The following SCOC variants were observed in gnomAD, a reference collection of about 807,000 sequenced individuals.
The protein encoded by SCOC is short coiled-coil protein, also known as short coiled coil protein.
Under a neutral mutation model 9.9 loss-of-function variants are expected in SCOC, and 7 were observed. The ratio of observed to expected loss-of-function variants is 0.71; its 90% confidence interval spans 0.40 to 1.33. The LOEUF (loss-of-function observed/expected upper bound fraction) is 1.33. SCOC is among the 40% of genes most tolerant of loss of function. The pLI, the probability that SCOC is intolerant of heterozygous loss-of-function variation, is 0.01. For synonymous variants in SCOC, 19 were observed against 28.2 expected, an observed-to-expected ratio of 0.67 and a Z score of 1.03; for missense variants, 66 against 89.7, an observed-to-expected ratio of 0.74 and a Z score of 1.07.
At chr4:140,374,043 T>G in intron 1 of SCOC, 1 of 531,852 alleles carries the variant, frequency 1.9e-6, no homozygotes, top group South Asian at 1.5e-5. Flanking sequence ...AGCTCTCGGC[T>G]CTGGAATTGG....
At chr4:140,366,195 T>C (rs1446049593) in intron 2 of SCOC, 23 of 683,064 alleles carry the variant, frequency 3.4e-5, no homozygotes, top group Non-Finnish European at 4.8e-5. Context: ...TTTTTTTTTT[T>C]TTTTCCCAAA....
intron 1 of SCOC, among the ~76,000 whole-genome samples, chr4:140,307,759 C>T (rs901671720): frequency 3.3e-5 from 5 of 152,156 alleles, no homozygotes; most frequent in Non-Finnish European, 7.4e-5. Flanking sequence ...AATCCTATCT[C>T]CAAGGAGATG....
At chr4:140,277,619 T>G (rs985069980) in intron 1 of SCOC, among the ~76,000 whole-genome samples, 15 of 152,182 alleles carry the variant, frequency 9.9e-5, no homozygotes, top group Non-Finnish European at 1.3e-4. Flanking sequence ...TTGAAGAATA[T>G]GTACAAAGAG....
intron 1 of SCOC, among the ~76,000 whole-genome samples, chr4:140,274,379 T>C (rs1730929608): frequency 6.6e-6 from 1 of 152,216 alleles, no homozygotes; most frequent in African/African-American, 2.4e-5. Flanking sequence ...GTTTTTTATT[T>C]GGAAATTGGA....
At chr4:140,380,605 A>G (rs993689820) in intron 3 of SCOC, among the ~76,000 whole-genome samples, 3 of 152,226 alleles carry the variant, frequency 2.0e-5, no homozygotes, top group East Asian at 1.9e-4. Context: ...TGTATTCAGT[A>G]TATGAATTCA....
intron 1 of SCOC, among the ~76,000 whole-genome samples, chr4:140,328,252 G>A (rs1732708313): frequency 6.6e-6 from 1 of 152,136 alleles, no homozygotes; most frequent in African/African-American, 2.4e-5. Flanking sequence ...AGTTCTTGAG[G>A]AGCAGGGACC....
intron 1 of SCOC, among the ~76,000 whole-genome samples, chr4:140,304,926 G>A (rs550503299): frequency 1.2e-4 from 19 of 152,218 alleles, no homozygotes; most frequent in African/African-American, 2.6e-4. Flanking sequence ...ATGTAGACAC[G>A]TGTTCTAGCC....
At chr4:140,257,816 C>A (rs1015757817) in intron 1 of SCOC, among the ~76,000 whole-genome samples, 1 of 152,180 alleles carries the variant, frequency 6.6e-6, no homozygotes, top group Non-Finnish European at 1.5e-5. Context: ...CATGTGGCAG[C>A]CTTTTGCTTT....
intron 1 of SCOC, among the ~76,000 whole-genome samples, chr4:140,272,222 ATT>A (rs10685796): frequency 4.2e-5 from 6 of 142,252 alleles, no homozygotes; most frequent in Non-Finnish European, 3.1e-5. Flanking sequence ...CCTACCTTTA[ATT>A]TTTTTTTTTT....
intron 1 of SCOC, among the ~76,000 whole-genome samples, chr4:140,375,282 TAGC>T (rs1728294861): frequency 1.3e-5 from 2 of 152,348 alleles, no homozygotes; most frequent in South Asian, 4.1e-4. Flanking sequence ...GAGAAGACGA[TAGC>T]AGACATTTAT....
chr4:140,276,609 C>T (rs1200735426), intron 1 of SCOC, among the ~76,000 whole-genome samples: 1 of 151,996 alleles, frequency 6.6e-6, no homozygotes, highest in African/African-American at 2.4e-5. Context: ...GTGTGCGCCA[C>T]CACACCCAGC....
At chr4:140,334,395 T>G (rs1453831267) in intron 1 of SCOC, among the ~76,000 whole-genome samples, 2 of 152,190 alleles carry the variant, frequency 1.3e-5, no homozygotes, top group African/African-American at 2.4e-5. Flanking sequence ...GATTCCTGTC[T>G]TGATGTGAGC....
chr4:140,374,869 G>T (rs1035695115), intron 1 of SCOC, among the ~76,000 whole-genome samples: 11 of 152,184 alleles, frequency 7.2e-5, no homozygotes, highest in African/African-American at 2.7e-4. Context: ...GAAATTTAGT[G>T]TCCATATCTG....
intron 1 of SCOC, among the ~76,000 whole-genome samples, chr4:140,327,758 T>C (rs1188275364): frequency 6.6e-6 from 1 of 152,250 alleles, no homozygotes; most frequent in Non-Finnish European, 1.5e-5. Context: ...CTGTATTCCA[T>C]ATGAAAATAA....
intron 1 of SCOC, among the ~76,000 whole-genome samples, chr4:140,260,845 T>A (rs970027225): frequency 6.6e-6 from 1 of 151,336 alleles, no homozygotes; most frequent in African/African-American, 2.4e-5. Context: ...TTCTGATTTA[T>A]TTTTTTTTAA....
intron 1 of SCOC, among the ~76,000 whole-genome samples, chr4:140,309,878 A>G (rs141740618): frequency 6.6e-4 from 101 of 152,226 alleles, no homozygotes; most frequent in African/African-American, 2.4e-3. Flanking sequence ...TCTCCAGCCT[A>G]GGTTGCCTCT....
At chr4:140,343,840 C>A in intron 2 of SCOC, 1 of 541,826 alleles carries the variant, frequency 1.8e-6, no homozygotes, top group Non-Finnish European at 3.1e-6. Context: ...AATATAGTTA[C>A]AAAAACAGGT....
At chr4:140,358,126 T>A (rs1299797477) in intron 2 of SCOC, among the ~76,000 whole-genome samples, 1 of 152,194 alleles carries the variant, frequency 6.6e-6, no homozygotes, top group Non-Finnish European at 1.5e-5. Context: ...CACTCCCTAT[T>A]GTATTGATGG....
chr4:140,327,439 A>G (rs1578813343), intron 1 of SCOC, among the ~76,000 whole-genome samples: 1 of 2,962 alleles, frequency 3.4e-4, no homozygotes, highest in Non-Finnish European at 7.6e-4. Context: ...TTCAATACTG[A>G]AAAAAAAAAT....
Sources: allele counts gnomAD v4.1 joint callset (sites outside exome capture counted in the v4.1 genomes callset), GRCh38; gene constraint gnomAD v4.1.1; transcripts MANE v1.5; gene names NCBI Gene and HGNC (gene_info 2026-07-23, HGNC 2026-07-21).